TULP4: variants seen among roughly 807,000 people sequenced by gnomAD.
TULP4 encodes the protein tubby-related protein 4.
Under a neutral mutation model 129.0 loss-of-function variants are expected in TULP4, and 16 were observed. The ratio of observed to expected loss-of-function variants is 0.12; its 90% confidence interval spans 0.08 to 0.19. The LOEUF is 0.19. TULP4 is among the 10% of genes least tolerant of loss of function. The probability of loss-of-function intolerance (pLI) is 1.00; values close to 1 mark genes in which losing one functional copy is unlikely to be tolerated. For missense variants in TULP4, 1,842 were observed against 2,059.1 expected (o/e 0.89, Z 2.04); for synonymous variants, 998 against 854.0 (o/e 1.17, Z -2.94).
At chr6:158,285,315 A>T (rs1778817627) in intron 1 of TULP4, among the ~76,000 whole-genome samples, 1 of 152,054 alleles carries the variant, frequency 6.6e-6, no homozygotes, top group African/African-American at 2.4e-5. Flanking sequence ...ACAACATATT[A>T]TTTGTTTATT....
intron 13 of TULP4, among the ~76,000 whole-genome samples, chr6:158,504,984 T>TAGGATCCAC (rs11283659): frequency 1.3e-5 from 2 of 151,492 alleles, no homozygotes; most frequent in Non-Finnish European, 3.0e-5. Flanking sequence ...TGCTAGTCAA[T>TAGGATCCAC]AGCTGAGCCA....
chr6:158,320,340 A>T (rs892158960), intron 1 of TULP4, among the ~76,000 whole-genome samples: 1 of 152,158 alleles, frequency 6.6e-6, no homozygotes, highest in Non-Finnish European at 1.5e-5. Flanking sequence ...TTACTTGGGA[A>T]TGTTTTTATT....
Position 158,413,288 on chromosome 6 carries a change from C to T in TULP4, c.381+95C>T. On this transcript the variant is annotated intron_variant, in intron 2 of 13. Coordinates refer to ENST00000367097, the MANE Select transcript of TULP4 (RefSeq NM_020245.5). The surrounding 1 kb of genome is among the most constrained non-coding windows in gnomAD (Gnocchi z 4.9). ...GCCAGTGCGTTAGCACCACACAGCG[C>T]CACGTGCTCCAGAGCTGGGGGAAGA... 7.3e-7 allele frequency: 1 copy of T among 1,371,576 alleles called. No individual in the cohort carries two copies. Among genetic ancestry groups the T allele is most frequent in the Non-Finnish European group, 9.7e-7 (1 of 1,029,038 alleles). The allele number at this position is 1,371,576 out of a possible 1,614,324, so 85.0% of individuals were successfully genotyped here.
chr6:158,471,443 T>C (rs1178535640), intron 6 of TULP4, among the ~76,000 whole-genome samples: 1 of 152,132 alleles, frequency 6.6e-6, no homozygotes, highest in South Asian at 2.1e-4. Flanking sequence ...TACTATGGAA[T>C]TGGGCAGCCA....
intron 1 of TULP4, among the ~76,000 whole-genome samples, chr6:158,381,920 G>T (rs1777335037): frequency 6.6e-6 from 1 of 152,068 alleles, no homozygotes; most frequent in African/African-American, 2.4e-5. Context: ...TTGTTTTTTT[G>T]TTATTGTTGT....
chr6:158,470,063 A>T (rs1779644149), intron 6 of TULP4, among the ~76,000 whole-genome samples: 1 of 152,160 alleles, frequency 6.6e-6, no homozygotes, highest in Non-Finnish European at 1.5e-5. Flanking sequence ...ACGGAAGAGA[A>T]CCGTGGAACC....
At chr6:158,381,158 TTG>T (rs749495189) in intron 1 of TULP4, among the ~76,000 whole-genome samples, 19 of 13,640 alleles carry the variant, frequency 1.4e-3, no homozygotes, top group African/African-American at 1.7e-3. Context: ...TGCTTTATGG[TTG>T]TTTTTTTTTT....
chr6:158,424,318 C>T (rs747697824), intron 2 of TULP4, among the ~76,000 whole-genome samples: 11 of 152,102 alleles, frequency 7.2e-5, no homozygotes, highest in South Asian at 2.1e-4. Context: ...AGCTTGATAT[C>T]GGCTCACTGC....
chr6:158,233,565 A>C (rs374931558), intron 1 of TULP4, among the ~76,000 whole-genome samples: 4 of 152,296 alleles, frequency 2.6e-5, no homozygotes, highest in South Asian at 4.1e-4. Flanking sequence ...CCGCAGCGCC[A>C]GATTGCTGGG....
intron 1 of TULP4, among the ~76,000 whole-genome samples, chr6:158,238,868 T>C (rs1777780848): frequency 1.0e-5 from 1 of 98,244 alleles, no homozygotes; most frequent in South Asian, 4.0e-4. Flanking sequence ...TCTCAATCTT[T>C]TCCCCACCTT....
intron 3 of TULP4, among the ~76,000 whole-genome samples, chr6:158,433,351 T>C (rs959380502): frequency 6.6e-6 from 1 of 152,242 alleles, no homozygotes; most frequent in Non-Finnish European, 1.5e-5. Flanking sequence ...TTCTTTACTC[T>C]GAACCACACT....
chr6:158,248,273 CT>C (rs1349886158), intron 1 of TULP4, among the ~76,000 whole-genome samples: 29 of 145,996 alleles, frequency 2.0e-4, no homozygotes, highest in Non-Finnish European at 2.3e-4. Flanking sequence ...CAGGCCTCGT[CT>C]TTTTTTTTTT....
chr6:158,289,093 C>T (rs1778883821), intron 1 of TULP4, among the ~76,000 whole-genome samples: 1 of 152,078 alleles, frequency 6.6e-6, no homozygotes, highest in African/African-American at 2.4e-5. Context: ...GATTCATTTT[C>T]TTTAGTGGTT....
chr6:158,326,821 T>C (rs1490181675), intron 1 of TULP4, among the ~76,000 whole-genome samples: 1 of 152,206 alleles, frequency 6.6e-6, no homozygotes, highest in Non-Finnish European at 1.5e-5. Context: ...TAGTTGTCCC[T>C]TGACTATCAT....
intron 1 of TULP4, among the ~76,000 whole-genome samples, chr6:158,345,718 A>G (rs1026258719): frequency 2.0e-5 from 3 of 152,204 alleles, no homozygotes; most frequent in African/African-American, 7.2e-5. Context: ...ATAAGAATGT[A>G]TTTTCAGCGG....
chr6:158,402,072 GT>G (rs1777864285), intron 1 of TULP4, among the ~76,000 whole-genome samples: 1 of 152,128 alleles, frequency 6.6e-6, no homozygotes, highest in Admixed American at 6.5e-5. Flanking sequence ...AGTTGTGAAG[GT>G]TTCCATGGAT....
rs777048664 is a variant in TULP4 at position 158,413,925 on chromosome 6, T to G, written c.381+732T>G. Among the ~76,000 whole-genome samples the G allele has an allele frequency of 3.9e-5, 6 of 152,190 alleles. No individual in the cohort carries two copies. The highest frequency in any genetic ancestry group is 1.3e-4 in the Admixed American group (2 of 15,284). On this transcript the variant is annotated intron_variant, in intron 2 of 13. Coordinates refer to ENST00000367097, the MANE Select transcript of TULP4 (RefSeq NM_020245.5). This position sits in a 1 kb window ranked among gnomAD's most constrained non-coding sequence, Gnocchi z 4.9. ...TGTCAATTAATAATTAATGAGGGGT[T>G]TCTTGGACTATTTTAACTCTCAGAA...
intron 1 of TULP4, chr6:158,237,609 T>C: frequency 7.6e-6 from 11 of 1,454,458 alleles, no homozygotes; most frequent in Non-Finnish European, 1.1e-5. Flanking sequence ...AAGAACATTC[T>C]TGCATTGGCA....
chr6:158,465,468 A>T (rs1779534354), intron 6 of TULP4, among the ~76,000 whole-genome samples: 1 of 152,180 alleles, frequency 6.6e-6, no homozygotes, highest in Admixed American at 6.5e-5. Context: ...GGGTGTACAG[A>T]TCTCTTTGAG....
Sources: gnomAD v4.1 joint callset for allele counts (sites outside exome capture counted in the v4.1 genomes callset) on GRCh38, gnomAD v4.1.1 for gene constraint, Gnocchi (gnomAD v3.1) non-coding constraint, MANE v1.5 for transcripts, NCBI Gene and HGNC (gene_info 2026-07-23, HGNC 2026-07-21) for gene names.